Variants in SLC9A9 observed in about 807,000 individuals in gnomAD.
SLC9A9 encodes solute carrier family 9 member A9, also known as sodium/hydrogen exchanger 9.
A neutral mutation model predicts 77.8 loss-of-function variants in SLC9A9; 62 were observed. The observed-to-expected ratio is 0.80, with a 90% confidence interval of 0.65 to 0.98. SLC9A9 has a LOEUF of 0.98. Among genes scored for constraint, SLC9A9 ranks in the 50% least tolerant of loss-of-function variants. The probability of loss-of-function intolerance (pLI) is 0.00; values close to 1 mark genes in which losing one functional copy is unlikely to be tolerated. For synonymous variants in SLC9A9, 320 were observed against 283.5 expected (o/e 1.13, Z -1.29); for missense variants, 775 against 774.9 (o/e 1.00, Z 0.00).
chr3:143,844,491 A>G (rs555030687), intron 1 of SLC9A9, among the ~76,000 whole-genome samples: 3 of 152,320 alleles, frequency 2.0e-5, no homozygotes, highest in African/African-American at 7.2e-5. Context: ...ATACAGGACA[A>G]GTAATACATT....
chr3:143,744,391 C>G (rs1935155821), intron 4 of SLC9A9, among the ~76,000 whole-genome samples: 1 of 152,148 alleles, frequency 6.6e-6, no homozygotes, highest in African/African-American at 2.4e-5. Context: ...CAAAGAGGCT[C>G]TTAATTTTGG....
intron 12 of SLC9A9, among the ~76,000 whole-genome samples, chr3:143,425,397 A>G (rs2034385520): frequency 6.6e-6 from 1 of 151,818 alleles, no homozygotes; most frequent in Admixed American, 6.6e-5. Context: ...TTAAAAATAT[A>G]TATGTATGGT....
At chr3:143,659,637 T>C (rs779667464) in intron 5 of SLC9A9, among the ~76,000 whole-genome samples, 2 of 152,122 alleles carry the variant, frequency 1.3e-5, no homozygotes, top group African/African-American at 4.8e-5. Flanking sequence ...GAAAAAAAGA[T>C]GGAAAGAGAG....
At chr3:143,670,399 T>G (rs375620550) in intron 5 of SLC9A9, among the ~76,000 whole-genome samples, 1 of 152,200 alleles carries the variant, frequency 6.6e-6, no homozygotes, top group Admixed American at 6.5e-5. Flanking sequence ...AAAGTGATCA[T>G]GAGTTTAACA....
At chr3:143,414,720 C>T (rs2034160602) in intron 12 of SLC9A9, among the ~76,000 whole-genome samples, 1 of 152,128 alleles carries the variant, frequency 6.6e-6, no homozygotes, top group African/African-American at 2.4e-5. Flanking sequence ...CAGCCTATTC[C>T]CTGAGACAGC....
chr3:143,798,700 A>G (rs1272919775), intron 2 of SLC9A9, among the ~76,000 whole-genome samples: 1 of 152,110 alleles, frequency 6.6e-6, no homozygotes, highest in Non-Finnish European at 1.5e-5. Flanking sequence ...CCATCCTACA[A>G]GATCTAGATA....
chr3:143,448,408 C>G (rs1192634940), intron 12 of SLC9A9, among the ~76,000 whole-genome samples: 1 of 152,058 alleles, frequency 6.6e-6, no homozygotes, highest in East Asian at 1.9e-4. Flanking sequence ...CAAAGCTTAT[C>G]AAGATGTTTT....
chr3:143,779,513 A>G (rs1267276558), intron 4 of SLC9A9, among the ~76,000 whole-genome samples: 1 of 152,092 alleles, frequency 6.6e-6, no homozygotes, highest in Non-Finnish European at 1.5e-5. Context: ...CTGGGATTAC[A>G]AGTATGCACC....
At chr3:143,559,160 A>G (rs1345329460) in intron 8 of SLC9A9, among the ~76,000 whole-genome samples, 1 of 152,222 alleles carries the variant, frequency 6.6e-6, no homozygotes, top group Non-Finnish European at 1.5e-5. Flanking sequence ...CTGTGAGTCA[A>G]TTAAATCTCT....
intron 5 of SLC9A9, among the ~76,000 whole-genome samples, chr3:143,677,664 T>C (rs1932927157): frequency 1.3e-5 from 2 of 152,328 alleles, no homozygotes; most frequent in South Asian, 4.1e-4. Context: ...CTGCCAGCAA[T>C]GACTGTTACT....
intron 9 of SLC9A9, among the ~76,000 whole-genome samples, chr3:143,551,538 A>G (rs995728907): frequency 2.0e-5 from 3 of 152,274 alleles, no homozygotes; most frequent in African/African-American, 7.2e-5. Context: ...TCTACCCTCT[A>G]GTAGACCCCA....
intron 12 of SLC9A9, among the ~76,000 whole-genome samples, chr3:143,382,954 C>A (rs2033340019): frequency 6.6e-6 from 1 of 152,214 alleles, no homozygotes; most frequent in South Asian, 2.1e-4. Flanking sequence ...CTTTCTCACA[C>A]ACAGACACGC....
At chr3:143,441,351 TG>T (rs1428017753) in intron 12 of SLC9A9, among the ~76,000 whole-genome samples, 20 of 152,160 alleles carry the variant, frequency 1.3e-4, no homozygotes, top group African/African-American at 4.6e-4. Context: ...CCAGGGAGGG[TG>T]GGAAGTGTAC....
At chr3:143,305,211 T>G (rs959117235) in intron 14 of SLC9A9, among the ~76,000 whole-genome samples, 2 of 152,164 alleles carry the variant, frequency 1.3e-5, no homozygotes, top group Non-Finnish European at 2.9e-5. Context: ...AGAAGCTGTA[T>G]TAAGCATTTC....
At chr3:143,353,539 G>A (rs2032517890) in intron 14 of SLC9A9, among the ~76,000 whole-genome samples, 1 of 152,186 alleles carries the variant, frequency 6.6e-6, no homozygotes, top group South Asian at 2.1e-4. Context: ...CCAGCTTCCA[G>A]AACTGTGATA....
chr3:143,301,340 T>C (rs912601333), intron 14 of SLC9A9, among the ~76,000 whole-genome samples: 2 of 152,242 alleles, frequency 1.3e-5, no homozygotes, highest in African/African-American at 4.8e-5. Flanking sequence ...CTTCCTCTTC[T>C]ATTCACACAT....
rs113824216 is a variant in SLC9A9, at chr3:143,788,110, T to C, written c.533+6891A>G. Among the ~76,000 whole-genome samples, 13 of 151,888 alleles carry C rather than the reference T, an allele frequency of 8.6e-5. 1 individual carries two copies. Among genetic ancestry groups the C allele is most frequent in the African/African-American group, 2.9e-4 (12 of 41,318 alleles). On this transcript the variant is annotated intron_variant, in intron 4 of 15. Transcript: ENST00000316549. ...ACAATATATTATAGAAGAGGTGGTG[T>C]AGATCCGGAGAAAAGGCAGGGCCAT...
chr3:143,550,761 G>A (rs911438373), intron 9 of SLC9A9, among the ~76,000 whole-genome samples: 1 of 152,184 alleles, frequency 6.6e-6, no homozygotes, highest in African/African-American at 2.4e-5. Flanking sequence ...CACTAGGGTT[G>A]TGTGGTTGTT....
chr3:143,523,925 T>A (rs771243809), intron 9 of SLC9A9, among the ~76,000 whole-genome samples: 1 of 152,204 alleles, frequency 6.6e-6, no homozygotes, highest in Non-Finnish European at 1.5e-5. Context: ...AATATAAATG[T>A]CTCTTCCACC....
Sources: allele counts gnomAD v4.1 joint callset (sites outside exome capture counted in the v4.1 genomes callset), GRCh38; gene constraint gnomAD v4.1.1; transcripts MANE v1.5; gene names NCBI Gene and HGNC (gene_info 2026-07-23, HGNC 2026-07-21).